The following ZFHX3 variants were observed in gnomAD, a reference collection of about 807,000 sequenced individuals.
ZFHX3 encodes zinc finger homeobox protein 3.
In ZFHX3, 42 loss-of-function variants were observed where a neutral mutation model predicts 279.1. That is an observed-to-expected ratio of 0.15 (90% CI 0.12 to 0.19). The LOEUF is 0.19. Among genes scored for constraint, ZFHX3 ranks in the 10% least tolerant of loss-of-function variants. ZFHX3 has a pLI of 1.00. For synonymous variants in ZFHX3, 2,293 were observed against 1,957.8 expected (o/e 1.17, Z -4.52); for missense variants, 4,981 against 4,754.0 (o/e 1.05, Z -1.40).
intron 3 of ZFHX3, among the ~76,000 whole-genome samples, chr16:73,378,471 T>C (rs550821591): frequency 6.6e-6 from 1 of 152,258 alleles, no homozygotes; most frequent in African/African-American, 2.4e-5. Context: ...GAAATTACTA[T>C]CTCTAAGTAA....
intron 2 of ZFHX3, among the ~76,000 whole-genome samples, chr16:73,465,099 A>G (rs987423177): frequency 3.3e-5 from 5 of 152,152 alleles, no homozygotes; most frequent in Non-Finnish European, 7.4e-5. Flanking sequence ...TCCTCAACTC[A>G]TGCTCGAGGT....
intron 3 of ZFHX3, among the ~76,000 whole-genome samples, chr16:73,453,594 G>A (rs572360929): frequency 7.5e-4 from 114 of 152,282 alleles, no homozygotes; most frequent in Admixed American, 1.9e-3. Context: ...TGAAGGAACC[G>A]TCTCAAACAT....
In ZFHX3 at chr16:72,787,402, GAAGCCCGGGA is replaced by G. The variant is rs2035442425; in HGVS notation, c.10864_10873del (p.Ser3622ArgfsTer69). 1 of 1,595,608 alleles carries G rather than the reference GAAGCCCGGGA, an allele frequency of 6.3e-7. No homozygotes were observed. Among genetic ancestry groups the G allele is most frequent in the Admixed American group, 1.7e-5 (1 of 59,040 alleles). On this transcript the variant is annotated frameshift_variant, in exon 10 of 10. Coordinates refer to ENST00000268489, the MANE Select transcript of ZFHX3 (RefSeq NM_006885.4). LOFTEE classifies it high-confidence loss of function. ...AGGAAAAGAAGGGGGCTTCGCTGCC[GAAGCCCGGGA>G]GACCACTTGCGGCCAAGACTTCCTG...
upstream of ZFHX3, chr16:73,061,143 G>A (rs1194426966): frequency 6.6e-6 from 1 of 152,180 alleles, no homozygotes; most frequent in Non-Finnish European, 1.5e-5. Flanking sequence ...GATCAATAAA[G>A]CCAAGTCCAG....
At chr16:73,822,423 T>C (rs1960772822) in intron 1 of ZFHX3, among the ~76,000 whole-genome samples, 1 of 152,184 alleles carries the variant, frequency 6.6e-6, no homozygotes, top group Non-Finnish European at 1.5e-5. Flanking sequence ...GTAAAGGTCC[T>C]AAAATACAAT....
chr16:73,562,595 CAAA>C (rs35887424), intron 2 of ZFHX3, among the ~76,000 whole-genome samples: 6 of 102,352 alleles, frequency 5.9e-5, no homozygotes, highest in African/African-American at 1.9e-4. Flanking sequence ...GACTCCGTCT[CAAA>C]AAAAAAAAAA....
chr16:73,298,423 C>A lies in ZFHX3; in HGVS notation c.-1194+19817G>T, dbSNP rs551043094. ...AGTCTCGAACTCCCGACCTCAGGTG[C>A]TCCGCCTACCTCAGCCTCCCAAAGT... On this transcript the variant is annotated intron_variant, in intron 4 of 17. Transcript: ENST00000641206. Among the ~76,000 whole-genome samples the A allele has an allele frequency of 3.3e-5, 5 of 151,650 alleles. No individual in the cohort carries two copies. The South Asian group carries it at 1.0e-3, about 32-fold the overall frequency.
chr16:72,975,475 G>A (rs796165641), intron 1 of ZFHX3, among the ~76,000 whole-genome samples: 18 of 152,072 alleles, frequency 1.2e-4, no homozygotes, highest in African/African-American at 4.3e-4. Flanking sequence ...CAGGAGAGAG[G>A]GGTGTACAGG....
intron 2 of ZFHX3, among the ~76,000 whole-genome samples, chr16:73,586,232 T>TA (rs1469433186): frequency 4.0e-5 from 6 of 150,772 alleles, no homozygotes; most frequent in East Asian, 3.9e-4. Context: ...CTGTTAAAAA[T>TA]AAAAAAATCA....
chr16:73,803,226 A>G (rs191487063), intron 1 of ZFHX3, among the ~76,000 whole-genome samples: 3 of 152,372 alleles, frequency 2.0e-5, no homozygotes, highest in East Asian at 3.9e-4. Flanking sequence ...CAAGAAATGT[A>G]CAAAAGATAC....
intron 3 of ZFHX3, among the ~76,000 whole-genome samples, chr16:73,412,162 C>CA (rs201069753): frequency 0.012 from 1,788 of 151,754 alleles, 39 homozygotes; most frequent in African/African-American, 0.041. Context: ...CCAGTCTTTA[C>CA]AAAAAATGCA....
chr16:73,124,798 G>C (rs1002893473), intron 7 of ZFHX3, among the ~76,000 whole-genome samples: 8 of 152,184 alleles, frequency 5.3e-5, no homozygotes, highest in African/African-American at 1.9e-4. Context: ...CGAGAAGCTG[G>C]GGACAGAGCA....
chr16:73,065,018 C>T (rs982737051), intron 8 of ZFHX3, among the ~76,000 whole-genome samples: 1 of 152,236 alleles, frequency 6.6e-6, no homozygotes, highest in Non-Finnish European at 1.5e-5. Context: ...GCAAGAGACC[C>T]TCGGTCGGGC....
intron 3 of ZFHX3, among the ~76,000 whole-genome samples, chr16:73,429,542 A>G (rs973014513): frequency 6.6e-6 from 1 of 152,104 alleles, no homozygotes; most frequent in Non-Finnish European, 1.5e-5. Flanking sequence ...CATGTTGGCC[A>G]GACTGGTCTT....
At chr16:73,711,622 T>C (rs1053516247) in intron 1 of ZFHX3, among the ~76,000 whole-genome samples, 6 of 151,840 alleles carry the variant, frequency 4.0e-5, no homozygotes, top group Non-Finnish European at 8.8e-5. Flanking sequence ...AGCCAGAAAA[T>C]CACACTGCAC....
chr16:73,523,408 C>T (rs1219631830), intron 2 of ZFHX3, among the ~76,000 whole-genome samples: 4 of 152,118 alleles, frequency 2.6e-5, no homozygotes, highest in Non-Finnish European at 5.9e-5. Context: ...ATGTGATGTG[C>T]CTGCCACCCT....
At chr16:73,087,676 T>C (rs1966024594) in intron 8 of ZFHX3, among the ~76,000 whole-genome samples, 2 of 152,196 alleles carry the variant, frequency 1.3e-5, no homozygotes, top group Admixed American at 1.3e-4. Flanking sequence ...AAGATGACTT[T>C]TTAATGTCAG....
chr16:73,462,600 TAA>T (rs2018492132), intron 2 of ZFHX3, among the ~76,000 whole-genome samples: 1 of 152,220 alleles, frequency 6.6e-6, no homozygotes, highest in Admixed American at 6.5e-5. Context: ...TCTTTATTTC[TAA>T]GAGTTTTTAT....
intron 2 of ZFHX3, among the ~76,000 whole-genome samples, chr16:73,557,211 T>A (rs2020300820): frequency 6.6e-6 from 1 of 151,034 alleles, no homozygotes; most frequent in South Asian, 2.1e-4. Flanking sequence ...TGGTCTTCTG[T>A]CATGGGAGGC....
Sources: allele counts gnomAD v4.1 joint callset (sites outside exome capture counted in the v4.1 genomes callset), GRCh38; gene constraint gnomAD v4.1.1; transcripts MANE v1.5; gene names NCBI Gene and HGNC (gene_info 2026-07-23, HGNC 2026-07-21).